The following RMST variants were observed in gnomAD, a reference collection of about 807,000 sequenced individuals.
RMST encodes rhabdomyosarcoma 2 associated transcript.
intron 5 of RMST, among the ~76,000 whole-genome samples, chr12:97,468,213 T>G (rs550241926): frequency 6.6e-6 from 1 of 152,162 alleles, no homozygotes; most frequent in Admixed American, 6.5e-5. Flanking sequence ...GTTGTTTAAA[T>G]GCTACCAGAA....
intron 9 of RMST, among the ~76,000 whole-genome samples, chr12:97,495,468 C>G (rs1877306721): frequency 6.6e-6 from 1 of 152,078 alleles, no homozygotes; most frequent in South Asian, 2.1e-4. Context: ...TATGAGGATA[C>G]TAAAATATCT....
At chr12:97,562,665 A>C (rs1884207880) in intron 13 of RMST, among the ~76,000 whole-genome samples, 1 of 152,226 alleles carries the variant, frequency 6.6e-6, no homozygotes, top group African/African-American at 2.4e-5. Flanking sequence ...TCAAAAGTGC[A>C]ACCTGAGATT....
At chr12:97,474,684 A>C (rs1311900976) in intron 5 of RMST, among the ~76,000 whole-genome samples, 2 of 151,580 alleles carry the variant, frequency 1.3e-5, no homozygotes, top group Non-Finnish European at 2.9e-5. Flanking sequence ...GAGGAAATAT[A>C]GTATATGGTT....
chr12:97,561,283 G>T (rs993652050), intron 13 of RMST, among the ~76,000 whole-genome samples: 1 of 152,174 alleles, frequency 6.6e-6, no homozygotes, highest in Non-Finnish European at 1.5e-5. Flanking sequence ...GCCAATGACT[G>T]CTACTAGCTG....
chr12:97,556,579 A>G (rs1239575241), intron 11 of RMST, among the ~76,000 whole-genome samples: 1 of 152,192 alleles, frequency 6.6e-6, no homozygotes, highest in East Asian at 1.9e-4. Flanking sequence ...CCTCATTTGT[A>G]GGACACACCA....
intron 10 of RMST, among the ~76,000 whole-genome samples, chr12:97,512,269 G>A (rs139655980): frequency 3.3e-5 from 5 of 152,178 alleles, no homozygotes; most frequent in Non-Finnish European, 4.4e-5. Context: ...GCAGACCTTT[G>A]TGGTGTTACA....
intron 11 of RMST, among the ~76,000 whole-genome samples, chr12:97,553,474 A>C (rs1883454373): frequency 6.6e-6 from 1 of 152,162 alleles, no homozygotes; most frequent in African/African-American, 2.4e-5. Context: ...TCTCTTTTTG[A>C]ACTAAGTTCC....
At chr12:97,540,930 A>G (rs1321189399) in intron 11 of RMST, among the ~76,000 whole-genome samples, 1 of 137,646 alleles carries the variant, frequency 7.3e-6, no homozygotes, top group East Asian at 2.0e-4. Context: ...AGATAAATAG[A>G]TAGAGAGATA....
At chr12:97,531,931 A>T (rs1045229525) in intron 11 of RMST, among the ~76,000 whole-genome samples, 4 of 151,956 alleles carry the variant, frequency 2.6e-5, no homozygotes, top group Non-Finnish European at 5.9e-5. Flanking sequence ...ATTTCTAATC[A>T]TGGGAGACGA....
At chr12:97,486,550 A>G (rs957850376) in intron 5 of RMST, among the ~76,000 whole-genome samples, 2 of 152,204 alleles carry the variant, frequency 1.3e-5, no homozygotes, top group African/African-American at 4.8e-5. Flanking sequence ...CTGAATGTAA[A>G]TTTCGAACCA....
intron 10 of RMST, among the ~76,000 whole-genome samples, chr12:97,514,533 A>C (rs1413895930): frequency 6.6e-6 from 1 of 152,144 alleles, no homozygotes; most frequent in East Asian, 1.9e-4. Context: ...TGCCATATCT[A>C]TATCTATATA....
intron 10 of RMST, among the ~76,000 whole-genome samples, chr12:97,520,636 A>G (rs749546108): frequency 6.6e-6 from 1 of 152,160 alleles, no homozygotes; most frequent in Admixed American, 6.5e-5. Flanking sequence ...ACTTTCTTGA[A>G]AAATCCCCCA....
intron 10 of RMST, among the ~76,000 whole-genome samples, chr12:97,516,395 A>G (rs762989090): frequency 6.6e-6 from 1 of 151,990 alleles, no homozygotes; most frequent in Non-Finnish European, 1.5e-5. Flanking sequence ...ATCATTTCCT[A>G]TCTGAATAGG....
At position 97,554,965 on chromosome 12, in the gene RMST, T is replaced by C. The variant is rs184740958; in HGVS notation, n.1546-5572T>C. On this transcript the variant is annotated intron_variant and non_coding_transcript_variant, in intron 11 of 13. Transcript: ENST00000640149. ...GGGTCTCAGGGCCATTGAAAAGTTA[T>C]GGTCTTGCTGCTAAACAAGAGAAGA... Among the ~76,000 whole-genome samples the C allele has an allele frequency of 1.7e-3, 252 of 152,308 alleles. 2 individuals are homozygous for C. The highest frequency in any genetic ancestry group is 5.8e-3 in the African/African-American group (240 of 41,578).
At chr12:97,527,489 A>G (rs1029631487) in intron 10 of RMST, among the ~76,000 whole-genome samples, 1 of 152,200 alleles carries the variant, frequency 6.6e-6, no homozygotes, top group South Asian at 2.1e-4. Flanking sequence ...GGGAGCAGAA[A>G]TCAGCAAGTG....
At chr12:97,515,537 C>G (rs926609888) in intron 10 of RMST, among the ~76,000 whole-genome samples, 1 of 151,952 alleles carries the variant, frequency 6.6e-6, no homozygotes, top group African/African-American at 2.4e-5. Context: ...ATCTTTCATC[C>G]CCATCACCTT....
chr12:97,498,480 C>T (rs541376002), intron 10 of RMST, among the ~76,000 whole-genome samples: 5 of 152,008 alleles, frequency 3.3e-5, no homozygotes, highest in Non-Finnish European at 7.4e-5. Context: ...AGTATAAAGC[C>T]TATGGTAAGG....
intron 11 of RMST, among the ~76,000 whole-genome samples, chr12:97,559,774 G>A (rs1190449439): frequency 6.6e-6 from 1 of 152,046 alleles, no homozygotes; most frequent in Admixed American, 6.5e-5. Flanking sequence ...AGAAGTGTGG[G>A]GATGACTGAT....
At chr12:97,494,399 A>T (rs773466079) in intron 8 of RMST, among the ~76,000 whole-genome samples, 53 of 152,120 alleles carry the variant, frequency 3.5e-4, no homozygotes, top group Admixed American at 1.4e-3. Flanking sequence ...TTATAAGAAA[A>T]TTAATCCGGG....
Sources: gnomAD v4.1 joint callset for allele counts (sites outside exome capture counted in the v4.1 genomes callset) on GRCh38, gnomAD v4.1.1 for gene constraint, MANE v1.5 for transcripts, NCBI Gene and HGNC (gene_info 2026-07-23, HGNC 2026-07-21) for gene names.